PRKAR1A: variants seen among roughly 807,000 people sequenced by gnomAD.
PRKAR1A encodes the protein protein kinase cAMP-dependent type I regulatory subunit alpha.
A neutral mutation model predicts 52.0 loss-of-function variants in PRKAR1A; 3 were observed. The observed-to-expected ratio is 0.06, with a 90% CI of 0.03 to 0.15. PRKAR1A has a LOEUF of 0.15. Among genes scored for constraint, PRKAR1A ranks in the 10% least tolerant of loss-of-function variants. PRKAR1A has a pLI of 1.00. For synonymous variants in PRKAR1A, 188 were observed against 168.4 expected, an observed-to-expected ratio of 1.12 and a Z score of -0.90; for missense variants, 240 against 477.4, an observed-to-expected ratio of 0.50 and a Z score of 4.63.
the PRKAR1A span, among the ~76,000 whole-genome samples, chr17:68,490,591 CT>C: frequency 9.3e-5 from 14 of 150,472 alleles, no homozygotes; most frequent in South Asian, 6.3e-4. Context: ...CAAAGGAAAA[CT>C]TTTTTTTTTC....
intron 7 of PRKAR1A, 113 bp from the exon 8 acceptor site, chr17:68,527,727 T>C: frequency 1.1e-6 from 1 of 913,276 alleles, no homozygotes; most frequent in South Asian, 1.5e-5. Flanking sequence ...AGCAACAAGC[T>C]TTGACTTTCT....
At chr17:68,415,761 C>T in the PRKAR1A span, among the ~76,000 whole-genome samples, 1 of 152,162 alleles carries the variant, frequency 6.6e-6, no homozygotes. Context: ...CGGCCTTTTA[C>T]CATTGTATAA....
At chr17:68,546,848 AAG>A in intron 11 of PRKAR1A, among the ~76,000 whole-genome samples, 1 of 151,462 alleles carries the variant, frequency 6.6e-6, no homozygotes, top group Admixed American at 6.6e-5. Context: ...AAAAAAAAAA[AAG>A]GTAAGACTTG....
chr17:68,533,620 A>T (rs756818463), downstream of PRKAR1A, among the ~76,000 whole-genome samples: 138 of 152,306 alleles, frequency 9.1e-4, no homozygotes, highest in Non-Finnish European at 1.5e-3. Context: ...TTTTGTACTT[A>T]TGTTAGGCCC....
At chr17:68,496,140 C>A in the PRKAR1A span, among the ~76,000 whole-genome samples, 11 of 139,932 alleles carry the variant, frequency 7.9e-5, no homozygotes, top group African/African-American at 3.0e-4. Context: ...CTCCCGGGGT[C>A]AAGCAATTCT....
At chr17:68,446,740 G>A in the PRKAR1A span, among the ~76,000 whole-genome samples, 32 of 152,250 alleles carry the variant, frequency 2.1e-4, 1 homozygote, top group African/African-American at 7.2e-4. Context: ...CTGGGATAGC[G>A]GGGCCTTGAC....
chr17:68,467,030 G>A, the PRKAR1A span, among the ~76,000 whole-genome samples: 2 of 152,176 alleles, frequency 1.3e-5, no homozygotes, highest in African/African-American at 4.8e-5. Context: ...GTGGCCCTTT[G>A]TGTCTGGCTT....
At chr17:68,509,761 C>T (rs1444823164), upstream of PRKAR1A, among the ~76,000 whole-genome samples, 3 of 152,210 alleles carry the variant, frequency 2.0e-5, no homozygotes, top group Admixed American at 2.0e-4. Context: ...GAACTTTCCC[C>T]GGGCTCAACT....
chr17:68,515,791 C>A, intron 2 of PRKAR1A: 1 of 600,762 alleles, frequency 1.7e-6, no homozygotes, highest in Non-Finnish European at 2.8e-6. Context: ...TGTATGCTAA[C>A]TGTACTTGGC....
intron 7 of PRKAR1A, 56 bp downstream of exon 7, chr17:68,525,968 T>C: frequency 6.4e-7 from 1 of 1,573,044 alleles, no homozygotes; most frequent in Non-Finnish European, 8.7e-7. Context: ...ACGTAACTAA[T>C]GTTTGAATAT....
At chr17:68,444,915 CTTTTTTTTTT>C in the PRKAR1A span, among the ~76,000 whole-genome samples, 42 of 89,092 alleles carry the variant, frequency 4.7e-4, no homozygotes, top group African/African-American at 1.7e-3. Flanking sequence ...ATCCTGAACA[CTTTTTTTTTT>C]TTTTTTTTTT....
the PRKAR1A span, chr17:68,420,115 C>A: frequency 2.0e-6 from 3 of 1,522,590 alleles, no homozygotes; most frequent in Non-Finnish European, 1.8e-6. Context: ...TGTAGAATCA[C>A]TCGCAGCTCT....
chr17:68,536,145 G>T (rs997160180), downstream of PRKAR1A: 6 of 453,990 alleles, frequency 1.3e-5, no homozygotes, highest in South Asian at 4.7e-5. Context: ...AGTGTTATTT[G>T]TCCAGTCGAG....
chr17:68,462,023 T>C, the PRKAR1A span, among the ~76,000 whole-genome samples: 1 of 152,156 alleles, frequency 6.6e-6, no homozygotes, highest in Non-Finnish European at 1.5e-5. Context: ...GTCCCCCAAA[T>C]GGAACCATTA....
At chr17:68,433,410 G>A in the PRKAR1A span, 3 of 1,440,652 alleles carry the variant, frequency 2.1e-6, no homozygotes, top group African/African-American at 2.8e-5. Context: ...GCCAGTAGAA[G>A]AGCCTAGGCC....
Position 68,543,713 on chromosome 17 carries a change from C to T in PRKAR1A, c.974-7371C>T, listed in dbSNP as rs1410570404. 7 of 1,613,966 alleles carry T rather than the reference C, an allele frequency of 4.3e-6. No individual in the cohort carries two copies. The Admixed American group carries it at 5.0e-5, about 12-fold the overall frequency. On this transcript the variant is annotated intron_variant, in intron 11 of 11. Coordinates refer to the PRKAR1A transcript ENST00000585981. ...GAAGTCCACTGGTGTCTCCTCATCT[C>T]GCTGCTGTCTGGAAGGAAGGAAGGA...
chr17:68,435,068 G>A, the PRKAR1A span, among the ~76,000 whole-genome samples: 58 of 152,228 alleles, frequency 3.8e-4, no homozygotes, highest in African/African-American at 1.3e-3. Context: ...TTAGCCAGGC[G>A]TGGCAGCATG....
At chr17:68,490,850 A>G in the PRKAR1A span, among the ~76,000 whole-genome samples, 4 of 152,258 alleles carry the variant, frequency 2.6e-5, no homozygotes, top group South Asian at 8.3e-4. Context: ...GCTTGAGAAC[A>G]GAGGAGATAC....
the PRKAR1A span, chr17:68,420,776 G>A: frequency 8.6e-6 from 3 of 347,946 alleles, no homozygotes; most frequent in Non-Finnish European, 1.0e-5. Context: ...TGATTTTGAG[G>A]GTTAAATAAA....
Sources: gnomAD v4.1 joint callset for allele counts (sites outside exome capture counted in the v4.1 genomes callset) on GRCh38, gnomAD v4.1.1 for gene constraint, MANE v1.5 for transcripts, NCBI Gene and HGNC (gene_info 2026-07-23, HGNC 2026-07-21) for gene names.